The following ZZEF1 variants were observed in gnomAD, a reference collection of about 807,000 sequenced individuals.
ZZEF1 encodes the protein zinc finger ZZ-type and EF-hand domain-containing protein 1.
In ZZEF1, 157 loss-of-function variants were observed where a neutral mutation model predicts 342.8. The ratio of observed to expected loss-of-function variants is 0.46; its 90% CI spans 0.40 to 0.52. The LOEUF (loss-of-function observed/expected upper bound fraction) is 0.52, where lower values mean the gene tolerates loss of function less well. Ranked by LOEUF, ZZEF1 falls within the 20% of genes least tolerant of loss-of-function variation. The pLI is 0.00. For missense variants in ZZEF1, 3,480 were observed against 3,725.6 expected (o/e 0.93, Z 1.72); for synonymous variants, 1,505 against 1,429.1 (o/e 1.05, Z -1.20).
Position 4,142,626 on chromosome 17 carries a change from G to A in ZZEF1, c.270C>T (p.Arg90=), listed in dbSNP as rs1254935668. The part of the protein sequence containing the change: ...LFRWLEERLG[R]GEESVTLEQF... Reference sequence around the variant, plus strand: ...GCTCCAGAGTGACAGACTCTTCGCCGCGGCCCAGCCGCTCTTCCAGCCAGC... The same window carrying A: ...GCTCCAGAGTGACAGACTCTTCGCCACGGCCCAGCCGCTCTTCCAGCCAGC... The change falls in exon 1 of 55, where the codon CGC becomes CGT. Residue 90 remains arginine, a synonymous_variant. Coordinates refer to ENST00000381638, the MANE Select transcript of ZZEF1 (RefSeq NM_015113.4). The A allele has an allele frequency of 1.2e-6, 2 of 1,605,108 alleles. No homozygotes were observed. The highest frequency in any genetic ancestry group is 8.5e-7 in the Non-Finnish European group (1 of 1,179,590).
In ZZEF1 at chr17:4,105,677, T is replaced by C; in HGVS notation, c.1394+16A>G. On this transcript the variant is annotated intron_variant, in intron 7 of 54. Transcript: ENST00000381638. ...CCATTCCTCACAGAGTTTACCCTCA[T>C]CAGCCTTGATTTTACCTAGTTATCC... is the stretch of plus-strand genomic sequence containing the variant. 2 of 1,582,366 alleles carry C rather than the reference T, an allele frequency of 1.3e-6. No homozygotes were observed. The highest frequency in any genetic ancestry group is 1.7e-6 in the Non-Finnish European group (2 of 1,151,990).
rs527615222 is a variant in ZZEF1 at position 4,023,318 on chromosome 17, G to T, written c.7093-490C>A. Among the ~76,000 whole-genome samples the T allele has an allele frequency of 2.0e-5, 3 of 152,240 alleles. No individual in the cohort carries two copies. In the South Asian group the frequency reaches 6.2e-4, roughly 32 times the overall value. The stretch of plus-strand genomic sequence containing the variant: ...CCCCTGTTGTCTCTCTTGCCGGTCA[G>T]ACCACAAGCTCCAGGAGAGCAGGGA... On this transcript the variant is annotated intron_variant, in intron 43 of 54. Coordinates refer to ENST00000381638, the MANE Select transcript of ZZEF1 (RefSeq NM_015113.4).
intron 1 of ZZEF1, among the ~76,000 whole-genome samples, chr17:4,129,605 G>A (rs1271768649): frequency 2.0e-5 from 3 of 152,182 alleles, no homozygotes; most frequent in South Asian, 2.1e-4. Flanking sequence ...TTGGGAGGCC[G>A]AGGCGGATGG....
chr17:4,059,570 C>G (rs1158567864), intron 30 of ZZEF1, among the ~76,000 whole-genome samples: 1 of 152,110 alleles, frequency 6.6e-6, no homozygotes, highest in Non-Finnish European at 1.5e-5. Context: ...ACTTGGGTGC[C>G]AGATACTGTG....
Position 4,095,687 on chromosome 17 carries a change from TA to T in ZZEF1, c.1913+143del, listed in dbSNP as rs558851079. On this transcript the variant is annotated intron_variant, in intron 11 of 54. Coordinates refer to ENST00000381638, the MANE Select transcript of ZZEF1 (RefSeq NM_015113.4). ...ATGCTACTAGAAAGCAATGAAGGCT[TA>T]TGGCCACTGAGATGGATTAGTGGCG... is the stretch of plus-strand genomic sequence containing the variant. The T allele has an allele frequency of 1.9e-4, 155 of 797,668 alleles. 1 individual carries two copies. In the South Asian group the frequency reaches 3.3e-3, roughly 17 times the overall value. 49.4% of individuals were successfully genotyped at this position (797,668 alleles called of 1,614,324 possible).
At chr17:4,039,866 G>A (rs544704993) in intron 39 of ZZEF1, among the ~76,000 whole-genome samples, 9 of 151,868 alleles carry the variant, frequency 5.9e-5, no homozygotes, top group Admixed American at 2.0e-4. Flanking sequence ...GGATGGTCTC[G>A]ATCTCCTGAC....
chr17:4,050,715 T>A, intron 36 of ZZEF1, 66 bp downstream of exon 36: 1 of 1,602,744 alleles, frequency 6.2e-7, no homozygotes, highest in Non-Finnish European at 8.5e-7. Context: ...GTATTTTACA[T>A]TTGCCAAGGC....
chr17:4,072,707 T>C lies in ZZEF1; in HGVS notation c.3735A>G (p.Leu1245=), dbSNP rs777176479. ...AGACAGGTTTCCACAGTGGGGAGCT[T>C]AGGACTAATGCCATTTTTGCCTGAG... The part of the protein sequence containing the change: ...VVPQAKMALV[L]SSPLWKPVFR... The change falls in exon 25 of 55, where the codon CTA becomes CTG. Residue 1245 remains leucine, a synonymous_variant. Coordinates refer to ENST00000381638, the MANE Select transcript of ZZEF1 (RefSeq NM_015113.4). The C allele has an allele frequency of 1.9e-6, 3 of 1,614,010 alleles. No individual in the cohort carries two copies. The highest frequency in any genetic ancestry group is 1.7e-5 in the Admixed American group (1 of 60,014).
chr17:4,097,926 CAAAAAAAAAAA>C (rs541461547), intron 9 of ZZEF1, among the ~76,000 whole-genome samples: 1 of 63,672 alleles, frequency 1.6e-5, no homozygotes, highest in African/African-American at 6.1e-5. Flanking sequence ...CCATTTCTAC[CAAAAAAAAAAA>C]AAAAAAAAGC....
intron 25 of ZZEF1, chr17:4,071,512 A>T (rs1413248252): frequency 1.3e-5 from 2 of 152,322 alleles, no homozygotes; most frequent in Non-Finnish European, 2.9e-5. Context: ...CAGTGATTAT[A>T]AAAAAAACTT....
rs759198331 is a variant in ZZEF1, at chr17:4,116,973, C to T, written c.693G>A (p.Lys231=). The change falls in exon 3 of 55, where the codon AAG becomes AAA. Residue 231 remains lysine (K), a splice_region_variant and synonymous_variant. Coordinates refer to ENST00000381638, the MANE Select transcript of ZZEF1 (RefSeq NM_015113.4). ...AGGAGAACCCCCACACACACATACC[C>T]TTTTCCTTTTGTACCAGCTGATCCA... The part of the protein sequence containing the change: ...ESLDQLVQKE[K]ESPGDLTRSP... 6.2e-7 allele frequency: 1 copy of T among 1,603,920 alleles called. No individual in the cohort carries two copies. The highest frequency in any genetic ancestry group is 1.1e-5 in the South Asian group (1 of 90,260).
At chr17:4,123,335 G>A (rs1405126255) in intron 2 of ZZEF1, among the ~76,000 whole-genome samples, 2 of 127,164 alleles carry the variant, frequency 1.6e-5, no homozygotes, top group Admixed American at 8.6e-5. Context: ...GTATATATAG[G>A]GTTGGGTACT....
At chr17:4,032,744 A>G (rs1013677944) in intron 41 of ZZEF1, 84 bp downstream of exon 41, 2 of 1,432,808 alleles carry the variant, frequency 1.4e-6, no homozygotes, top group East Asian at 2.3e-5. Context: ...CTATGCCTAT[A>G]TATCCGGAAG....
At chr17:4,053,931 G>A in intron 34 of ZZEF1, 126 bp downstream of exon 34, 1 of 1,090,788 alleles carries the variant, frequency 9.2e-7, no homozygotes, top group Non-Finnish European at 1.3e-6. Flanking sequence ...TCGCCAAGAA[G>A]TCAGAGAAAA....
intron 6 of ZZEF1, 99 bp from the exon 7 acceptor site, chr17:4,105,908 A>G: frequency 1.1e-6 from 1 of 897,672 alleles, no homozygotes; most frequent in African/African-American, 1.7e-5. Flanking sequence ...TCCCTTATAA[A>G]CAGACAGTGT....
At chr17:4,113,179 C>T (rs906972951) in intron 4 of ZZEF1, among the ~76,000 whole-genome samples, 2 of 152,198 alleles carry the variant, frequency 1.3e-5, no homozygotes, top group Non-Finnish European at 2.9e-5. Flanking sequence ...TCAAATGTGT[C>T]CTCTAAGAGA....
At position 4,062,846 on chromosome 17, in the gene ZZEF1, T is replaced by C. The variant is rs142429864; in HGVS notation, c.4790A>G (p.His1597Arg). 4.3e-4 allele frequency: 686 copies of C among 1,613,664 alleles called. 2 individuals are homozygous for C. In the African/African-American group the frequency reaches 7.8e-3, roughly 18 times the overall value. Residue 1597 changes from histidine to arginine, a missense_variant, in exon 30 of 55, where the codon CAC becomes CGC. Physicochemically the swap from His to Arg is conservative, Grantham distance 29 (BLOSUM62 0). Transcript: ENST00000381638. ...SILEVLKITQ[H>R]CAESLGQPHC... ...GGGCTGCCCAAGGGATTCTGCACAG[T>C]GCTGAGTTATCTTCAGGACTTCCAG...
At chr17:4,036,809 ACACACACACTCTCTCT>A (rs1239285961) in intron 39 of ZZEF1, among the ~76,000 whole-genome samples, 25 of 91,474 alleles carry the variant, frequency 2.7e-4, no homozygotes, top group Middle Eastern at 5.0e-3. Flanking sequence ...ACACACACAC[ACACACACACTCTCTCT>A]CTCTCTCTCT....
intron 32 of ZZEF1, 59 bp downstream of exon 32, chr17:4,057,935 T>A: frequency 6.4e-7 from 1 of 1,555,056 alleles, no homozygotes; most frequent in Non-Finnish European, 8.8e-7. Flanking sequence ...GCCCCCACTA[T>A]GTTCCTTGCG....
Sources: gnomAD v4.1 joint callset for allele counts (sites outside exome capture counted in the v4.1 genomes callset) on GRCh38, gnomAD v4.1.1 for gene constraint, MANE v1.5 for transcripts, NCBI Gene and HGNC (gene_info 2026-07-23, HGNC 2026-07-21) for gene names.